Variants in SIAE observed in about 807,000 individuals in gnomAD.
SIAE encodes sialate O-acetylesterase.
A neutral mutation model predicts 52.6 loss-of-function variants in SIAE; 39 were observed. The observed-to-expected ratio is 0.74, with a 90% CI of 0.57 to 0.97. SIAE has a LOEUF of 0.97. Among genes scored for constraint, SIAE ranks in the 50% least tolerant of loss-of-function variants. The pLI is 0.00. For synonymous variants in SIAE, 233 were observed against 241.4 expected, an observed-to-expected ratio of 0.97 and a Z score of 0.32; for missense variants, 592 against 662.1, an observed-to-expected ratio of 0.89 and a Z score of 1.16.
intron 1 of SIAE, among the ~76,000 whole-genome samples, chr11:124,672,590 TACTG>T (rs1208648529): frequency 2.0e-5 from 3 of 152,278 alleles, no homozygotes; most frequent in African/African-American, 7.2e-5. Flanking sequence ...GGAGATAAAA[TACTG>T]ACACTAAAAT....
Position 124,648,120 on chromosome 11 carries a change from C to A in SIAE, c.778G>T (p.Ala260Ser). The change falls in exon 6 of 10, where the codon GCC becomes TCC. Residue 260 changes from alanine (A) to serine (S), a missense_variant. Ala to Ser is a moderately conservative substitution (Grantham distance 99, BLOSUM62 1). Coordinates refer to ENST00000263593, the MANE Select transcript of SIAE (RefSeq NM_170601.5). ...ATATTGCACAGTGGATGGATCATGG[C>A]ATTCCAGAGAACAGAGTGCTTACTG... ...GPSKHSVLWN[A>S]MIHPLCNMTL... The A allele has an allele frequency of 1.2e-6, 2 of 1,614,108 alleles. No individual in the cohort carries two copies. Among genetic ancestry groups the A allele is most frequent in the Non-Finnish European group, 1.7e-6 (2 of 1,179,978 alleles).
At chr11:124,648,202 A>C in intron 5 of SIAE, 27 bp from the exon 6 acceptor site, 4 of 1,564,240 alleles carry the variant, frequency 2.6e-6, no homozygotes, top group Non-Finnish European at 3.5e-6. Flanking sequence ...CACAAGTGTC[A>C]CCAGAGAGCC....
At chr11:124,647,200 C>T (rs1356891009) in intron 7 of SIAE, among the ~76,000 whole-genome samples, 165 bp downstream of exon 7, 6 of 152,042 alleles carry the variant, frequency 3.9e-5, no homozygotes, top group Admixed American at 3.9e-4. Flanking sequence ...TGAAGTAAGC[C>T]TTACATTCAG....
At chr11:124,663,498 C>T (rs902426542) in intron 2 of SIAE, among the ~76,000 whole-genome samples, 42 of 152,112 alleles carry the variant, frequency 2.8e-4, no homozygotes, top group Non-Finnish European at 5.0e-4. Context: ...GGTGTGAACC[C>T]GGGAGGCGGA....
In SIAE at chr11:124,670,762, A is replaced by G. The variant is rs149654904; in HGVS notation, c.68-1241T>C. Among the ~76,000 whole-genome samples the G allele has an allele frequency of 1.7e-4, 26 of 152,310 alleles. No individual in the cohort carries two copies. The highest frequency in any genetic ancestry group is 2.6e-4 in the Non-Finnish European group (18 of 68,032). Reference sequence around the variant, plus strand: ...TAAAAATCCTCAGCGCTCTCTTATGAGCTAGTGTGATCAAGAAACCTACAT... The same window carrying G: ...TAAAAATCCTCAGCGCTCTCTTATGGGCTAGTGTGATCAAGAAACCTACAT... On this transcript the variant is annotated intron_variant, in intron 1 of 9. Coordinates refer to ENST00000263593, the MANE Select transcript of SIAE (RefSeq NM_170601.5). The surrounding 1 kb of genome is among the most constrained non-coding windows in gnomAD (Gnocchi z 4.5).
chr11:124,638,471 G>A, intron 9 of SIAE, 71 bp downstream of exon 9: 3 of 1,505,772 alleles, frequency 2.0e-6, no homozygotes, highest in Non-Finnish European at 2.8e-6. Flanking sequence ...CAAAAGAGAT[G>A]GCCTCAAGTG....
intron 6 of SIAE, 41 bp from the exon 7 acceptor site, chr11:124,647,539 T>G: frequency 6.2e-7 from 1 of 1,612,282 alleles, no homozygotes; most frequent in Non-Finnish European, 8.5e-7. Context: ...TGGAGTAGAC[T>G]GCAAAAATGA....
intron 3 of SIAE, among the ~76,000 whole-genome samples, chr11:124,658,101 C>G (rs1252390437): frequency 3.3e-5 from 5 of 152,186 alleles, no homozygotes; most frequent in African/African-American, 4.8e-5. Context: ...ATCAAAGCAG[C>G]TGCTCACTGG....
intron 2 of SIAE, among the ~76,000 whole-genome samples, chr11:124,662,976 C>A (rs1212818862): frequency 1.3e-5 from 2 of 152,014 alleles, no homozygotes; most frequent in Non-Finnish European, 2.9e-5. Flanking sequence ...GAAACCCTGT[C>A]TCTACTAAAA....
At chr11:124,667,359 C>A (rs7941548) in intron 2 of SIAE, among the ~76,000 whole-genome samples, 4,663 of 152,206 alleles carry the variant, frequency 0.031, 102 homozygotes, top group Non-Finnish European at 0.044. Flanking sequence ...GCTTCCCTTT[C>A]GGTCTTTTAG....
At chr11:124,669,582 C>G (rs929957259) in intron 1 of SIAE, 61 bp from the exon 2 acceptor site, 4 of 1,428,414 alleles carry the variant, frequency 2.8e-6, no homozygotes, top group Non-Finnish European at 3.9e-6. Context: ...CCAACTGGAT[C>G]AAGTGAAACA....
chr11:124,672,881 G>C (rs1306328731), intron 1 of SIAE, among the ~76,000 whole-genome samples: 1 of 152,146 alleles, frequency 6.6e-6, no homozygotes, highest in Admixed American at 6.5e-5. Flanking sequence ...TCCACTCTTT[G>C]AGTGTTTTGA....
In SIAE at chr11:124,635,716, G is replaced by A. The variant is rs1445396352; in HGVS notation, c.*1235C>T. 1 of 152,198 alleles carries A rather than the reference G, an allele frequency of 6.6e-6. No individual in the cohort carries two copies. Among genetic ancestry groups the A allele is most frequent in the Non-Finnish European group, 1.5e-5 (1 of 68,042 alleles). The allele number at this position is 152,198 out of a possible 1,614,324, so 9.4% of individuals were successfully genotyped here. A position where few individuals can be genotyped will look rare whatever the true frequency, so the allele number is the denominator to read the frequency against. On this transcript the variant is annotated 3_prime_UTR_variant, in exon 10 of 10. Transcript: ENST00000263593. ...CATTTTTCACATTAAGGGGAGGAAA[G>A]CTACCCATAGATAGTATTCTTACTC...
chr11:124,672,662 T>C (rs1413457833), intron 1 of SIAE, among the ~76,000 whole-genome samples: 1 of 152,170 alleles, frequency 6.6e-6, no homozygotes, highest in Non-Finnish European at 1.5e-5. Flanking sequence ...ATAAGATGGA[T>C]CTCAAAGGTC....
upstream of SIAE, chr11:124,676,172 T>C (rs1429180990): frequency 6.6e-6 from 1 of 152,320 alleles, no homozygotes; most frequent in Admixed American, 6.5e-5. Context: ...AAGCCAGGCA[T>C]GGTGGTGCGC....
Position 124,636,977 on chromosome 11 carries a change from C to T in SIAE, c.1546G>A (p.Gly516Arg). 2 of 1,614,102 alleles carry T rather than the reference C, an allele frequency of 1.2e-6. No homozygotes were observed. The highest frequency in any genetic ancestry group is 1.7e-6 in the Non-Finnish European group (2 of 1,180,030). Residue 516 changes from glycine (G) to arginine (R), a missense_variant, in exon 10 of 10, where the codon GGA becomes AGA. Gly to Arg is a moderately radical substitution (Grantham distance 125). Coordinates refer to ENST00000263593, the MANE Select transcript of SIAE (RefSeq NM_170601.5). ...FIAFITDQGP[G>R]HQSNVAK ...CATTTAGCAACATTGCTCTGATGTCCAGGACCCTGGTCTGTAATGAAAGCA... is the reference window on the plus strand; with the variant it reads ...CATTTAGCAACATTGCTCTGATGTCTAGGACCCTGGTCTGTAATGAAAGCA...
intron 3 of SIAE, among the ~76,000 whole-genome samples, chr11:124,655,103 T>A (rs552510982): frequency 1.3e-5 from 2 of 152,022 alleles, no homozygotes; most frequent in Non-Finnish European, 2.9e-5. Flanking sequence ...AACACTCTGA[T>A]ACCTTGAAAC....
chr11:124,651,418 C>G lies in SIAE; in HGVS notation c.545-1622G>C, dbSNP rs146910272. ...AAAAAATTAGCTGGGTGTGGTGGCG[C>G]ACACCTTTAATCCCAGCTGCCTAGG... On this transcript the variant is annotated intron_variant, in intron 4 of 9. Coordinates refer to ENST00000263593, the MANE Select transcript of SIAE (RefSeq NM_170601.5). 5.9e-3 allele frequency among the ~76,000 whole-genome samples: 895 copies of G among 152,050 alleles called. 5 individuals are homozygous for G. The highest frequency in any genetic ancestry group is 0.02 in the African/African-American group (842 of 41,466).
At chr11:124,671,673 A>C (rs532106280) in intron 1 of SIAE, among the ~76,000 whole-genome samples, 1 of 151,628 alleles carries the variant, frequency 6.6e-6, no homozygotes. Context: ...TGCAATGGAC[A>C]AAAAAAAAGA....
Sources: gnomAD v4.1 joint callset for allele counts (sites outside exome capture counted in the v4.1 genomes callset) on GRCh38, gnomAD v4.1.1 for gene constraint, Gnocchi (gnomAD v3.1) non-coding constraint, MANE v1.5 for transcripts, NCBI Gene and HGNC (gene_info 2026-07-23, HGNC 2026-07-21) for gene names.